The following ZFYVE9 variants were observed in gnomAD, a reference collection of about 807,000 sequenced individuals.
The protein encoded by ZFYVE9 is zinc finger FYVE-type containing 9.
Under a neutral mutation model 126.7 loss-of-function variants are expected in ZFYVE9, and 43 were observed. The ratio of observed to expected loss-of-function variants is 0.34; its 90% CI spans 0.27 to 0.44. ZFYVE9 has a LOEUF of 0.44. ZFYVE9 is among the 20% of genes least tolerant of loss of function. The pLI is 1.00. For synonymous variants in ZFYVE9, 521 were observed against 597.4 expected (o/e 0.87, Z 1.87); for missense variants, 1,476 against 1,697.0 (o/e 0.87, Z 2.29).
chr1:52,180,836 G>A (rs952911573), intron 1 of ZFYVE9, among the ~76,000 whole-genome samples: 1 of 151,942 alleles, frequency 6.6e-6, no homozygotes, highest in African/African-American at 2.4e-5. Flanking sequence ...ATAGCCGGGC[G>A]TGGTGGCGCA....
chr1:52,271,500 T>G (rs909893353), intron 7 of ZFYVE9, among the ~76,000 whole-genome samples: 6 of 152,194 alleles, frequency 3.9e-5, no homozygotes, highest in Admixed American at 6.5e-5. Context: ...GGTATACATG[T>G]GCAATGGTGG....
intron 1 of ZFYVE9, among the ~76,000 whole-genome samples, chr1:52,198,200 C>G (rs910243883): frequency 7.6e-6 from 1 of 131,526 alleles, no homozygotes; most frequent in African/African-American, 2.7e-5. Flanking sequence ...CGGCTCACTA[C>G]AACCTCTGCC....
chr1:52,171,753 A>G (rs961030156), intron 1 of ZFYVE9, among the ~76,000 whole-genome samples: 13 of 152,300 alleles, frequency 8.5e-5, no homozygotes, highest in South Asian at 2.1e-4. Flanking sequence ...ATGGCCAGTG[A>G]TGATGAGCAT....
At chr1:52,203,942 T>C (rs373847307) in intron 1 of ZFYVE9, among the ~76,000 whole-genome samples, 26 of 152,296 alleles carry the variant, frequency 1.7e-4, no homozygotes, top group African/African-American at 6.0e-4. Flanking sequence ...ATACTTTCAT[T>C]GCCCATCTGT....
At chr1:52,219,749 T>TTGTGTGTG (rs56340178) in intron 2 of ZFYVE9, among the ~76,000 whole-genome samples, 1,738 of 113,322 alleles carry the variant, frequency 0.015, 28 homozygotes, top group East Asian at 0.02. Context: ...CCAAGATCTT[T>TTGTGTGTG]TGTGTGTGTG....
At chr1:52,193,928 A>G (rs1346083643) in intron 1 of ZFYVE9, among the ~76,000 whole-genome samples, 1 of 152,084 alleles carries the variant, frequency 6.6e-6, no homozygotes, top group Non-Finnish European at 1.5e-5. Flanking sequence ...CTGATAAATA[A>G]CAGGAAAATT....
In ZFYVE9 at chr1:52,263,753, T is replaced by TTCA; in HGVS notation, c.2179-20_2179-19insTCA. ...ATCCCAAGTAAATTTTGTGTGTTCTTCCCCCCCCCCCCCCCACAGGTTTTC... is the reference window on the plus strand; with the variant it reads ...ATCCCAAGTAAATTTTGTGTGTTCTTTCACCCCCCCCCCCCCCCACAGGTTTTC... On this transcript the variant is annotated intron_variant, in intron 4 of 18. Coordinates refer to ENST00000287727, the MANE Select transcript of ZFYVE9 (RefSeq NM_004799.4). 1.4e-6 allele frequency: 1 copy of TTCA among 713,092 alleles called. No homozygotes were observed. The highest frequency in any genetic ancestry group is 2.0e-6 in the Non-Finnish European group (1 of 490,714). 44.2% of individuals were successfully genotyped at this position (713,092 alleles called of 1,614,324 possible).
intron 13 of ZFYVE9, among the ~76,000 whole-genome samples, chr1:52,314,965 G>A (rs374608466): frequency 3.3e-5 from 5 of 151,878 alleles, no homozygotes; most frequent in African/African-American, 1.2e-4. Flanking sequence ...GCGTTTTCTC[G>A]GATACATATA....
intron 6 of ZFYVE9, 37 bp downstream of exon 6, chr1:52,266,868 A>C: frequency 3.3e-6 from 5 of 1,507,300 alleles, no homozygotes; most frequent in Middle Eastern, 1.8e-4. Context: ...CTTTTTCCTC[A>C]CGAAGTTCCT....
intron 18 of ZFYVE9, among the ~76,000 whole-genome samples, chr1:52,345,212 A>G (rs1646472958): frequency 6.6e-6 from 1 of 152,286 alleles, no homozygotes; most frequent in African/African-American, 2.4e-5. Flanking sequence ...AGAGGGGAGC[A>G]TGTGGTAGGA....
chr1:52,254,967 C>CT (rs1645489832), intron 4 of ZFYVE9, among the ~76,000 whole-genome samples: 1 of 151,844 alleles, frequency 6.6e-6, no homozygotes, highest in African/African-American at 2.4e-5. Flanking sequence ...TAGGGCATGT[C>CT]TGTAGTCCCA....
At chr1:52,157,122 G>A (rs1035498293) in intron 1 of ZFYVE9, among the ~76,000 whole-genome samples, 3 of 152,012 alleles carry the variant, frequency 2.0e-5, no homozygotes, top group African/African-American at 4.8e-5. Context: ...GTGAGCCACC[G>A]CACCCGGCCT....
rs145342137 is a variant in ZFYVE9 at position 52,186,011 on chromosome 1, C to T, written c.-142-30358C>T. Among the ~76,000 whole-genome samples the T allele has an allele frequency of 1.5e-3, 229 of 150,324 alleles. 5 individuals carry two copies. In the East Asian group the frequency reaches 0.035, roughly 23 times the overall value. On this transcript the variant is annotated intron_variant, in intron 1 of 18. Coordinates refer to ENST00000287727, the MANE Select transcript of ZFYVE9 (RefSeq NM_004799.4). ...ATCCCAGCACTTTGGGAGGCCGAGA[C>T]GGGTGGATCACTTGAGGTCAGGAGT...
At chr1:52,164,855 G>C (rs1424952811) in intron 1 of ZFYVE9, among the ~76,000 whole-genome samples, 1 of 152,194 alleles carries the variant, frequency 6.6e-6, no homozygotes, top group Admixed American at 6.5e-5. Flanking sequence ...CAGGATTTGA[G>C]ATTCTTAGCA....
intron 4 of ZFYVE9, among the ~76,000 whole-genome samples, chr1:52,254,378 TAAAAA>T (rs35072882): frequency 8.3e-6 from 1 of 120,694 alleles, no homozygotes; most frequent in Non-Finnish European, 1.8e-5. Context: ...TTTACATTAC[TAAAAA>T]AAAAAAAAAA....
chr1:52,277,201 G>C (rs907277733), intron 8 of ZFYVE9, among the ~76,000 whole-genome samples: 1 of 119,354 alleles, frequency 8.4e-6, no homozygotes, highest in Non-Finnish European at 2.0e-5. Context: ...TCTATTGTTA[G>C]TAAAATACCT....
intron 1 of ZFYVE9, chr1:52,179,798 TA>T: frequency 1.9e-6 from 1 of 534,266 alleles, no homozygotes; most frequent in Non-Finnish European, 3.5e-6. Context: ...AAAAAGGATT[TA>T]AAGTGTCTAT....
rs528891810 is a variant in ZFYVE9 at position 52,270,981 on chromosome 1, G to A, written c.2625+2349G>A. Among the ~76,000 whole-genome samples, 8 of 152,164 alleles carry A rather than the reference G, an allele frequency of 5.3e-5. No individual in the cohort carries two copies. The South Asian group carries it at 1.0e-3, about 20-fold the overall frequency. On this transcript the variant is annotated intron_variant, in intron 7 of 18. Coordinates refer to ENST00000287727, the MANE Select transcript of ZFYVE9 (RefSeq NM_004799.4). ...AAGGCAGGAGGATTGCCTGAACCCC[G>A]AGTTTGAGACCAGCTTGGGCAACAT...
At chr1:52,180,792 A>G (rs1382447149) in intron 1 of ZFYVE9, among the ~76,000 whole-genome samples, 1 of 151,922 alleles carries the variant, frequency 6.6e-6, no homozygotes, top group Non-Finnish European at 1.5e-5. Context: ...CCTTACCAAC[A>G]TGGAGAAACC....
Sources: gnomAD v4.1 joint callset for allele counts (sites outside exome capture counted in the v4.1 genomes callset) on GRCh38, gnomAD v4.1.1 for gene constraint, MANE v1.5 for transcripts, NCBI Gene and HGNC (gene_info 2026-07-23, HGNC 2026-07-21) for gene names.